H1-8: variants seen among roughly 807,000 people sequenced by gnomAD.
H1-8 encodes the protein H1.8 linker histone, also known as histone H1.8.
In H1-8, 13 loss-of-function variants were observed where a neutral mutation model predicts 19.5. That is an observed-to-expected ratio of 0.67 (90% confidence interval 0.43 to 1.06). The LOEUF is 1.06. H1-8 is among the 50% of genes least tolerant of loss of function. H1-8 has a pLI of 0.00. For missense variants in H1-8, 432 were observed against 459.8 expected, an observed-to-expected ratio of 0.94 and a Z score of 0.55; for synonymous variants, 193 against 187.6, an observed-to-expected ratio of 1.03 and a Z score of -0.24.
intron 1 of H1-8, among the ~76,000 whole-genome samples, chr3:129,545,938 C>T (rs1321201385): frequency 1.3e-5 from 2 of 152,006 alleles, no homozygotes; most frequent in African/African-American, 4.8e-5. Context: ...TCATTTCCCT[C>T]AGGTATATAC....
rs755175764 is a variant in H1-8, at chr3:129,547,508, G to A, written c.206G>A (p.Arg69His). Residue 69 changes from arginine to histidine, a missense_variant, in exon 2 of 5, where the codon CGC becomes CAC. Arg to His is a conservative substitution (Grantham distance 29). Coordinates refer to ENST00000324382, the MANE Select transcript of H1-8 (RefSeq NM_153833.3). ...GAGGCGCTGCAGGCTGGGGAGCAGC[G>A]CCGGGGCACGTCGGTGGCAGCTATC... is the stretch of plus-strand genomic sequence containing the variant. ...VLEALQAGEQ[R>H]RGTSVAAIKL... 49 of 1,568,566 alleles carry A rather than the reference G, an allele frequency of 3.1e-5. No homozygotes were observed. The Admixed American group carries it at 7.4e-4, about 24-fold the overall frequency.
rs138486444 is a variant in H1-8, at chr3:129,549,230, C to T, written c.608C>T (p.Ala203Val). The T allele has an allele frequency of 4.6e-4, 731 of 1,582,630 alleles. 4 individuals carry two copies. The African/African-American group carries it at 6.5e-3, about 14-fold the overall frequency. ...GAGAAGGCTCGCAAGCAAGGCGGCG[C>T]GGCCAAGGACACCAGGGCACAGTCG... is the stretch of plus-strand genomic sequence containing the variant. The part of the protein sequence containing the change: ...ATEKARKQGG[A>V]AKDTRAQSGE... Residue 203 changes from alanine to valine, a missense_variant, in exon 3 of 5, where the codon GCG becomes GTG. Ala to Val is a moderately conservative substitution (Grantham distance 64). Coordinates refer to ENST00000324382, the MANE Select transcript of H1-8 (RefSeq NM_153833.3).
chr3:129,548,889 CT>C, intron 2 of H1-8, 111 bp from the exon 3 acceptor site: 1 of 1,395,936 alleles, frequency 7.2e-7, no homozygotes, highest in Non-Finnish European at 9.6e-7. Context: ...CTCTCACTGC[CT>C]GTGGAGCCCC....
chr3:129,551,044 AC>A, intron 4 of H1-8, 62 bp from the exon 5 acceptor site: 1 of 1,456,876 alleles, frequency 6.9e-7, no homozygotes, highest in Non-Finnish European at 9.5e-7. Flanking sequence ...ACCCAGAGCC[AC>A]CCAGAGCTGG....
intron 4 of H1-8, 82 bp from the exon 5 acceptor site, chr3:129,551,025 A>C (rs1029728536): frequency 9.6e-6 from 12 of 1,255,846 alleles, no homozygotes; most frequent in Non-Finnish European, 1.4e-5. Context: ...TAGAAGGGCG[A>C]TGTTGTGTAC....
intron 1 of H1-8, among the ~76,000 whole-genome samples, chr3:129,545,023 G>GTT (rs1386348531): frequency 6.9e-6 from 1 of 145,728 alleles, no homozygotes; most frequent in Non-Finnish European, 1.5e-5. Context: ...GAGTTTCATG[G>GTT]TTTTTTTTTT....
intron 1 of H1-8, 134 bp from the exon 2 acceptor site, chr3:129,547,257 G>T (rs2084895204): frequency 1.1e-6 from 1 of 878,490 alleles, no homozygotes; most frequent in East Asian, 2.7e-5. Flanking sequence ...GAGCTCCCAT[G>T]CCAGCGGTCA....
intron 1 of H1-8, among the ~76,000 whole-genome samples, chr3:129,546,452 G>T (rs2108754689): frequency 6.6e-6 from 1 of 152,310 alleles, no homozygotes; most frequent in South Asian, 2.1e-4. Flanking sequence ...TGTTTCATCT[G>T]CTGGGTTATT....
At chr3:129,545,819 CATCT>C (rs961728660) in intron 1 of H1-8, among the ~76,000 whole-genome samples, 3 of 152,158 alleles carry the variant, frequency 2.0e-5, no homozygotes, top group Non-Finnish European at 4.4e-5. Context: ...TTTGTTCATC[CATCT>C]GTCAATCATT....
At chr3:129,550,643 C>G (rs762617445) in intron 3 of H1-8, 102 bp from the exon 4 acceptor site, 482 of 933,808 alleles carry the variant, frequency 5.2e-4, no homozygotes, top group Non-Finnish European at 7.8e-4. Flanking sequence ...GAGTGAAGAC[C>G]TAGGACCCAG....
rs1350454027 is a variant in H1-8 at position 129,549,414 on chromosome 3, C to A, written c.742+50C>A. On this transcript the variant is annotated intron_variant, in intron 3 of 4. Coordinates refer to ENST00000324382, the MANE Select transcript of H1-8 (RefSeq NM_153833.3). ...GGTGTGGGGATGGGGGTCTTGACAG[C>A]CACTGGAGCGGGGGCGGGGAGCCAG... 2.0e-6 allele frequency: 3 copies of A among 1,516,662 alleles called. No individual in the cohort carries two copies. The East Asian group carries it at 6.8e-5, about 34-fold the overall frequency. 94.0% of individuals were successfully genotyped at this position (1,516,662 alleles called of 1,614,324 possible).
rs973751827 is a variant in H1-8, at chr3:129,551,024, G to A, written c.808-83G>A. 7 of 1,245,222 alleles carry A rather than the reference G, an allele frequency of 5.6e-6. No homozygotes were observed. The Admixed American group carries it at 6.0e-5, about 11-fold the overall frequency. The allele number at this position is 1,245,222 out of a possible 1,614,324, so 77.1% of individuals were successfully genotyped here. On this transcript the variant is annotated intron_variant, in intron 4 of 4. Transcript: ENST00000324382. ...ATAAGAGACTAAGGCTTAGAAGGGC[G>A]ATGTTGTGTACCCAGAGCCACCCAG...
At chr3:129,546,614 G>C (rs547864006) in intron 1 of H1-8, among the ~76,000 whole-genome samples, 1 of 152,260 alleles carries the variant, frequency 6.6e-6, no homozygotes, top group South Asian at 2.1e-4. Context: ...TTTCCTTCCA[G>C]TGCTCACATT....
intron 4 of H1-8, 141 bp from the exon 5 acceptor site, chr3:129,550,966 C>A: frequency 1.1e-6 from 1 of 948,036 alleles, no homozygotes; most frequent in South Asian, 1.6e-5. Context: ...GGTCCCCTGG[C>A]ACCCTGGGGG....
In H1-8 at chr3:129,547,511, G is replaced by A. The variant is rs147642525; in HGVS notation, c.209G>A (p.Arg70Gln). Residue 70 changes from arginine to glutamine, a missense_variant, in exon 2 of 5, where the codon CGG (arginine) becomes CAG (glutamine). Transcript: ENST00000324382. ...LEALQAGEQR[R>Q]GTSVAAIKLY... ...GCGCTGCAGGCTGGGGAGCAGCGCC[G>A]GGGCACGTCGGTGGCAGCTATCAAG... is the stretch of plus-strand genomic sequence containing the variant. 217 of 1,571,312 alleles carry A rather than the reference G, an allele frequency of 1.4e-4. No homozygotes were observed. Among genetic ancestry groups the A allele is most frequent in the Middle Eastern group, 6.6e-4 (4 of 6,038 alleles).
In H1-8 at chr3:129,549,314, C is replaced by T; in HGVS notation, c.692C>T (p.Ala231Val). The T allele has an allele frequency of 6.2e-7, 1 of 1,607,534 alleles. No homozygotes were observed. Among genetic ancestry groups the T allele is most frequent in the Non-Finnish European group, 8.5e-7 (1 of 1,178,178 alleles). The change falls in exon 3 of 5, where the codon GCT becomes GTT. Residue 231 changes from alanine (A) to valine (V), a missense_variant. Transcript: ENST00000324382. The part of the protein sequence containing the change: ...PDKAMRAPSS[A>V]GGLSRKAKAK... ...AAGGCCATGCGGGCACCTTCCAGTG[C>T]TGGTGGGCTCAGCAGGAAGGCAAAG...
intron 2 of H1-8, 104 bp from the exon 3 acceptor site, chr3:129,548,897 C>T: frequency 7.0e-7 from 1 of 1,424,092 alleles, no homozygotes; most frequent in Non-Finnish European, 9.4e-7. Flanking sequence ...GCCTGTGGAG[C>T]CCCCCTGTTT....
At chr3:129,543,342 C>T (rs773066574) in intron 1 of H1-8, 36 bp downstream of exon 1, 53 of 1,490,582 alleles carry the variant, frequency 3.6e-5, no homozygotes, top group South Asian at 2.0e-4. Context: ...CTCATCCCTG[C>T]GAGCCCACTC....
chr3:129,546,847 A>G (rs1444473274), intron 1 of H1-8, among the ~76,000 whole-genome samples: 1 of 152,186 alleles, frequency 6.6e-6, no homozygotes, highest in East Asian at 1.9e-4. Context: ...CTGTAAACCC[A>G]CAGTTACGAA....
Sources: gnomAD v4.1 joint callset for allele counts (sites outside exome capture counted in the v4.1 genomes callset) on GRCh38, gnomAD v4.1.1 for gene constraint, MANE v1.5 for transcripts, NCBI Gene and HGNC (gene_info 2026-07-23, HGNC 2026-07-21) for gene names.